Variants in ZNF516 observed in about 807,000 individuals in gnomAD.
ZNF516 encodes zinc finger protein 516.
In ZNF516, 19 loss-of-function variants were observed where a neutral mutation model predicts 79.7. The ratio of observed to expected loss-of-function variants is 0.24; its 90% CI spans 0.17 to 0.35. ZNF516 has a LOEUF of 0.35. ZNF516 is among the 10% of genes least tolerant of loss of function. The probability of loss-of-function intolerance (pLI) is 1.00; values close to 1 mark genes in which losing one functional copy is unlikely to be tolerated. For missense variants in ZNF516, 1,678 were observed against 1,679.5 expected (o/e 1.00, Z 0.02); for synonymous variants, 877 against 739.5 (o/e 1.19, Z -3.02).
At chr18:76,462,715 G>A (rs780425045) in intron 2 of ZNF516, among the ~76,000 whole-genome samples, 6 of 152,150 alleles carry the variant, frequency 3.9e-5, no homozygotes, top group Non-Finnish European at 5.9e-5. Flanking sequence ...TCATAAAAAG[G>A]AATGGACCCC....
At chr18:76,481,604 T>C (rs1914525691) in intron 1 of ZNF516, among the ~76,000 whole-genome samples, 1 of 152,184 alleles carries the variant, frequency 6.6e-6, no homozygotes, top group African/African-American at 2.4e-5. Context: ...CAGGCCTCAG[T>C]GTCCTCTCGG....
chr18:76,372,574 G>A (rs1246341912), intron 4 of ZNF516: 1 of 152,202 alleles, frequency 6.6e-6, no homozygotes, highest in Non-Finnish European at 1.5e-5. Context: ...ATGACAAAAG[G>A]CACCTTAGTC....
intron 2 of ZNF516, among the ~76,000 whole-genome samples, chr18:76,449,122 A>C (rs1912241951): frequency 6.6e-6 from 1 of 152,138 alleles, no homozygotes; most frequent in East Asian, 1.9e-4. Context: ...TCACTCTTGA[A>C]TCCATGTGCC....
intron 3 of ZNF516, among the ~76,000 whole-genome samples, chr18:76,382,470 C>G (rs1286377698): frequency 6.6e-6 from 1 of 152,154 alleles, no homozygotes; most frequent in Non-Finnish European, 1.5e-5. Context: ...TCAGTGTAAA[C>G]AATGCGGCTG....
rs566448035 is a variant in ZNF516, at chr18:76,379,991, T to C, written c.2123A>G (p.Glu708Gly). 9.3e-6 allele frequency: 15 copies of C among 1,614,026 alleles called. No individual in the cohort carries two copies. The East Asian group carries it at 2.7e-4, about 29-fold the overall frequency. Reference protein sequence around the residue: ...GAEGQTGHPAEKLSDLHNKEH... With the variant: ...GAEGQTGHPAGKLSDLHNKEH... The stretch of plus-strand genomic sequence containing the variant: ...CTTGTTGTGCAAATCGGACAGCTTT[T>C]CTGCAGGGTGACCCGTCTGGCCCTC... The change falls in exon 4 of 7, where the codon GAA becomes GGA. Residue 708 changes from glutamate (E) to glycine (G), a missense_variant. Physicochemically the swap from Glu to Gly is moderately conservative, Grantham distance 98. Around this residue, in one of 5 missense-constraint regions of ZNF516, gnomAD observed 1,294 missense variants for 1,248.3 expected, o/e 1.04. Transcript: ENST00000443185.
rs540295126 is a variant in ZNF516, at chr18:76,468,516, A to G, written c.-271-5375T>C. Among the ~76,000 whole-genome samples the G allele has an allele frequency of 2.7e-5, 4 of 150,728 alleles. No homozygotes were observed. The South Asian group carries it at 8.4e-4, about 32-fold the overall frequency. ...ACTGCAACCTCGGCCTTCCGGGCTC[A>G]AGCGATCCTCCCACCTTGGCCTCCC... is the stretch of plus-strand genomic sequence containing the variant. On this transcript the variant is annotated intron_variant, in intron 1 of 6. Coordinates refer to ENST00000443185, the MANE Select transcript of ZNF516 (RefSeq NM_014643.4).
intron 1 of ZNF516, among the ~76,000 whole-genome samples, chr18:76,463,433 A>G (rs892923583): frequency 3.3e-5 from 5 of 152,262 alleles, no homozygotes; most frequent in African/African-American, 4.8e-5. Flanking sequence ...TAACTGTAGC[A>G]GCGGAACAAT....
intron 3 of ZNF516, among the ~76,000 whole-genome samples, chr18:76,395,556 G>A (rs1348898036): frequency 1.3e-5 from 2 of 152,148 alleles, no homozygotes; most frequent in African/African-American, 4.8e-5. Context: ...AGCACAGGCA[G>A]CCTCAGGGGC....
intron 3 of ZNF516, among the ~76,000 whole-genome samples, chr18:76,431,250 G>GACAC (rs71991368): frequency 7.8e-4 from 117 of 150,394 alleles, no homozygotes; most frequent in African/African-American, 2.6e-3. Context: ...CAGAGACGAG[G>GACAC]ACACACACAC....
In ZNF516 at chr18:76,442,531, T is replaced by C; in HGVS notation, c.524A>G (p.Gln175Arg). The C allele has an allele frequency of 1.2e-6, 2 of 1,600,174 alleles. No homozygotes were observed. Among genetic ancestry groups the C allele is most frequent in the Non-Finnish European group, 1.7e-6 (2 of 1,179,520 alleles). The change falls in exon 3 of 7, where the codon CAG becomes CGG. Residue 175 changes from glutamine (Q) to arginine (R), a missense_variant. This residue lies in a region of ZNF516 where 279 missense variants were observed against 254.1 expected (regional missense o/e 1.10). Coordinates refer to ENST00000443185, the MANE Select transcript of ZNF516 (RefSeq NM_014643.4). ...CAPGEAKAAV[Q>R]CSFCKSQFER... Reference sequence around the variant, plus strand: ...GAACTGGCTCTTGCAGAAGGAGCACTGGACCGCTGCCTTGGCCTCCCCCGG... The same window carrying C: ...GAACTGGCTCTTGCAGAAGGAGCACCGGACCGCTGCCTTGGCCTCCCCCGG...
intron 3 of ZNF516, among the ~76,000 whole-genome samples, chr18:76,429,069 C>T (rs916876654): frequency 2.0e-5 from 3 of 152,234 alleles, no homozygotes; most frequent in Non-Finnish European, 4.4e-5. Context: ...CCCCCTCTCC[C>T]TCCCGGGGAC....
intron 3 of ZNF516, chr18:76,386,161 C>T (rs1166803095): frequency 1.3e-5 from 2 of 152,318 alleles, no homozygotes; most frequent in Admixed American, 6.5e-5. Context: ...CACCTGGCCT[C>T]TCTGGGTTTC....
intron 1 of ZNF516, among the ~76,000 whole-genome samples, chr18:76,472,187 G>A (rs1160374994): frequency 2.6e-5 from 4 of 152,126 alleles, no homozygotes; most frequent in African/African-American, 9.7e-5. Context: ...CTGCAGATTG[G>A]CTGAGGGACC....
chr18:76,467,135 C>CTTG lies in ZNF516; in HGVS notation c.-271-3995_-271-3994insCAA. Among the ~76,000 whole-genome samples, 5 of 150,768 alleles carry CTTG rather than the reference C, an allele frequency of 3.3e-5. No individual in the cohort carries two copies. Among genetic ancestry groups the CTTG allele is most frequent in the African/African-American group, 9.8e-5 (4 of 40,664 alleles). On this transcript the variant is annotated intron_variant, in intron 1 of 6. Transcript: ENST00000443185. The surrounding 1 kb of genome is among the most constrained non-coding windows in gnomAD (Gnocchi z 4.2). ...GGCTGGCAGGAAGTCCTGCGTGTCT[C>CTTG]TCGGAACCTGCAGCTCACAGCCCTT...
chr18:76,478,536 C>CA (rs1457070754), intron 1 of ZNF516, among the ~76,000 whole-genome samples: 1 of 151,968 alleles, frequency 6.6e-6, no homozygotes, highest in African/African-American at 2.4e-5. Flanking sequence ...TTTTAATCTA[C>CA]AAAAAATAGG....
Position 76,370,664 on chromosome 18 carries a change from A to G in ZNF516, c.3365-69T>C, listed in dbSNP as rs573133079. 1.7e-5 allele frequency: 22 copies of G among 1,327,586 alleles called. No homozygotes were observed. The African/African-American group carries it at 2.4e-4, about 14-fold the overall frequency. 82.2% of individuals were successfully genotyped at this position (1,327,586 alleles called of 1,614,324 possible). On this transcript the variant is annotated intron_variant, in intron 5 of 6. Coordinates refer to ENST00000443185, the MANE Select transcript of ZNF516 (RefSeq NM_014643.4). ...CCGGACGTGCACATTAAATGAGTCC[A>G]TTACAGATTAAGTACTTCCACAAAA... is the stretch of plus-strand genomic sequence containing the variant.
intron 2 of ZNF516, among the ~76,000 whole-genome samples, chr18:76,454,844 C>CA (rs1190014427): frequency 6.6e-6 from 1 of 152,168 alleles, no homozygotes. Flanking sequence ...TATTCAGCTA[C>CA]AAAAGTTAAG....
chr18:76,415,245 T>C (rs2075418214), intron 3 of ZNF516, among the ~76,000 whole-genome samples: 1 of 151,704 alleles, frequency 6.6e-6, no homozygotes, highest in African/African-American at 2.4e-5. Context: ...AAAAAGAAAA[T>C]AGTAGTTTAG....
rs773762731 is a variant in ZNF516, at chr18:76,357,752, T to C, written c.*4746A>G. Among the ~76,000 whole-genome samples, 6 of 152,216 alleles carry C rather than the reference T, an allele frequency of 3.9e-5. No individual in the cohort carries two copies. The highest frequency in any genetic ancestry group is 6.5e-5 in the Admixed American group (1 of 15,282). ...TTTTTGCTGTCTCATCAGTAAACCATTGCAAACCACAGTGCCAGCCCTTGT... is the reference window on the plus strand; with the variant it reads ...TTTTTGCTGTCTCATCAGTAAACCACTGCAAACCACAGTGCCAGCCCTTGT... On this transcript the variant is annotated 3_prime_UTR_variant, in exon 7 of 7. Coordinates refer to ENST00000443185, the MANE Select transcript of ZNF516 (RefSeq NM_014643.4).
Sources: gnomAD v4.1 joint callset for allele counts (sites outside exome capture counted in the v4.1 genomes callset) on GRCh38, gnomAD v4.1.1 for gene constraint, gnomAD v4.1.1 regional missense constraint, Gnocchi (gnomAD v3.1) non-coding constraint, MANE v1.5 for transcripts, NCBI Gene and HGNC (gene_info 2026-07-23, HGNC 2026-07-21) for gene names.